The following UGT2B15 variants were observed in gnomAD, a reference collection of about 807,000 sequenced individuals.
The protein encoded by UGT2B15 is UDP glucuronosyltransferase family 2 member B15.
A neutral mutation model predicts 45.9 loss-of-function variants in UGT2B15; 36 were observed. The ratio of observed to expected loss-of-function variants is 0.78; its 90% CI spans 0.60 to 1.04. The LOEUF (loss-of-function observed/expected upper bound fraction) is 1.04, where lower values mean the gene tolerates loss of function less well. Ranked by LOEUF, UGT2B15 falls within the 50% of genes least tolerant of loss-of-function variation. The pLI, the probability that UGT2B15 is intolerant of heterozygous loss-of-function variation, is 0.00. For synonymous variants in UGT2B15, 219 were observed against 216.4 expected (o/e 1.01, Z -0.11); for missense variants, 617 against 622.4 (o/e 0.99, Z 0.09).
chr4:68,655,330 T>C, intron 3 of UGT2B15, 148 bp from the exon 4 acceptor site: 3 of 1,027,952 alleles, frequency 2.9e-6, no homozygotes, highest in Non-Finnish European at 4.2e-6. Context: ...TGAGAACTAC[T>C]AAAAGTTTGA....
chr4:68,659,013 A>G (rs1340580765), intron 3 of UGT2B15, among the ~76,000 whole-genome samples: 1 of 152,066 alleles, frequency 6.6e-6, no homozygotes, highest in Non-Finnish European at 1.5e-5. Flanking sequence ...CAGATTAACA[A>G]GGTTTTCTGG....
rs1274014709 is a variant in UGT2B15, at chr4:68,668,122, T to A, written c.791A>T (p.Asp264Val). 1 of 1,613,832 alleles carries A rather than the reference T, an allele frequency of 6.2e-7. No homozygotes were observed. Among genetic ancestry groups the A allele is most frequent in the Admixed American group, 1.7e-5 (1 of 59,984 alleles). The part of the protein sequence containing the change: ...AEMWLIRTYW[D>V]FEFPRPFLPN... The stretch of plus-strand genomic sequence containing the variant: ...TAAGAATGGGCGAGGAAATTCAAAA[T>A]CCCAATAGGTTCGAATGAGCCACAT... The change falls in exon 2 of 6, where the codon GAT becomes GTT. Residue 264 changes from aspartate to valine, a missense_variant. Around this residue, in one of 3 missense-constraint regions of UGT2B15, gnomAD observed 351 missense variants for 342.1 expected, o/e 1.03. Coordinates refer to ENST00000338206, the MANE Select transcript of UGT2B15 (RefSeq NM_001076.4).
chr4:68,659,117 T>C (rs993777156), intron 3 of UGT2B15, among the ~76,000 whole-genome samples: 5 of 152,186 alleles, frequency 3.3e-5, no homozygotes, highest in African/African-American at 1.2e-4. Context: ...TTATAGATTG[T>C]TCATAAAATT....
chr4:68,659,123 A>C (rs1405060079), intron 3 of UGT2B15, among the ~76,000 whole-genome samples: 1 of 152,038 alleles, frequency 6.6e-6, no homozygotes, highest in African/African-American at 2.4e-5. Context: ...ATTGTTCATA[A>C]AATTTTGAAA....
rs144341427 is a variant in UGT2B15, at chr4:68,667,141, A to T, written c.873+899T>A. ...TTTTCTACTTTTCTGCCTTAATGCA[A>T]GCCTTTACTTTTTTTTTTTTTGTTT... On this transcript the variant is annotated intron_variant, in intron 2 of 5. Transcript: ENST00000338206. Among the ~76,000 whole-genome samples the T allele has an allele frequency of 6.2e-3, 928 of 149,338 alleles. 11 individuals are homozygous for T. Among genetic ancestry groups the T allele is most frequent in the African/African-American group, 0.021 (842 of 40,894 alleles).
Position 68,647,127 on chromosome 4 carries a change from C to T in UGT2B15, c.1570G>A (p.Gly524Arg). ...AACTAATCTCTTTTCTTCTTCTTTC[C>T]TTTTTTGGCAAGCTTTCGGAAACAA... ...LFCFRKLAKK[G>R]KKKKRD Residue 524 changes from glycine to arginine, a missense_variant, in exon 6 of 6, where the codon GGA becomes AGA. This residue lies in a region of UGT2B15 where 265 missense variants were observed against 245.1 expected (regional missense o/e 1.08). Transcript: ENST00000338206. The T allele has an allele frequency of 6.2e-7, 1 of 1,613,312 alleles. No individual in the cohort carries two copies. The highest frequency in any genetic ancestry group is 8.5e-7 in the Non-Finnish European group (1 of 1,179,586).
chr4:68,647,737 G>C (rs1732525214), intron 5 of UGT2B15, among the ~76,000 whole-genome samples: 1 of 151,820 alleles, frequency 6.6e-6, no homozygotes, highest in Non-Finnish European at 1.5e-5. Context: ...TATTTTTTGA[G>C]ACAGGCTTTT....
chr4:68,669,484 G>A (rs1314661585), intron 1 of UGT2B15, among the ~76,000 whole-genome samples: 1 of 152,050 alleles, frequency 6.6e-6, no homozygotes, highest in Non-Finnish European at 1.5e-5. Context: ...GGAACTCAAA[G>A]AGAAACAAAT....
chr4:68,649,138 G>C (rs141748132), intron 5 of UGT2B15, among the ~76,000 whole-genome samples: 1 of 151,490 alleles, frequency 6.6e-6, no homozygotes, highest in Non-Finnish European at 1.5e-5. Flanking sequence ...TTCAGTTATC[G>C]TTTTTGGATG....
Position 68,657,528 on chromosome 4 carries a change from A to G in UGT2B15, c.1006-2346T>C, listed in dbSNP as rs573886703. Among the ~76,000 whole-genome samples the G allele has an allele frequency of 8.5e-5, 13 of 152,218 alleles. No homozygotes were observed. In the South Asian group the frequency reaches 2.1e-3, roughly 24 times the overall value. On this transcript the variant is annotated intron_variant, in intron 3 of 5. Coordinates refer to ENST00000338206, the MANE Select transcript of UGT2B15 (RefSeq NM_001076.4). The stretch of plus-strand genomic sequence containing the variant: ...TCCTCCTTTTAGGAAAAAAAGTGGG[A>G]AACAAATAATCTAAGAATGATGAGA...
chr4:68,652,121 TTC>T (rs1225549893), intron 5 of UGT2B15, among the ~76,000 whole-genome samples: 4 of 152,054 alleles, frequency 2.6e-5, no homozygotes, highest in African/African-American at 9.7e-5. Flanking sequence ...AGGTATTTTA[TTC>T]TCTTTGTTGC....
intron 5 of UGT2B15, among the ~76,000 whole-genome samples, chr4:68,652,196 A>T (rs1732675449): frequency 6.6e-6 from 1 of 152,018 alleles, no homozygotes; most frequent in African/African-American, 2.4e-5. Flanking sequence ...GTCAGTGTAT[A>T]GTAATGCTTG....
intron 5 of UGT2B15, among the ~76,000 whole-genome samples, chr4:68,652,680 T>C (rs1055628504): frequency 6.0e-5 from 9 of 150,782 alleles, no homozygotes; most frequent in African/African-American, 1.9e-4. Flanking sequence ...TTTATCAACA[T>C]TGAAACCTTT....
chr4:68,651,721 C>G (rs1448414611), intron 5 of UGT2B15, among the ~76,000 whole-genome samples: 2 of 152,004 alleles, frequency 1.3e-5, no homozygotes, highest in Non-Finnish European at 2.9e-5. Context: ...ATGTTCTGTT[C>G]CATTGGTCTA....
intron 5 of UGT2B15, among the ~76,000 whole-genome samples, chr4:68,651,759 T>G (rs1054573185): frequency 6.6e-6 from 1 of 152,150 alleles, no homozygotes; most frequent in Non-Finnish European, 1.5e-5. Context: ...AGTACCATTC[T>G]GTTTTGGTTA....
chr4:68,663,977 C>T (rs1244036778), intron 2 of UGT2B15, among the ~76,000 whole-genome samples: 1 of 152,018 alleles, frequency 6.6e-6, no homozygotes, highest in African/African-American at 2.4e-5. Context: ...TGAAATCACA[C>T]TGTGAATTTG....
rs189314018 is a variant in UGT2B15 at position 68,646,617 on chromosome 4, A to G, written c.*487T>C. 6.7e-6 allele frequency: 1 copy of G among 149,412 alleles called. No homozygotes were observed. Among genetic ancestry groups the G allele is most frequent in the Non-Finnish European group, 1.5e-5 (1 of 67,728 alleles). The allele number at this position is 149,412 out of a possible 1,614,324, so 9.3% of individuals were successfully genotyped here. The stretch of plus-strand genomic sequence containing the variant: ...GCCCATAAGGTTTTATATTATTTTT[A>G]TTTTTCTTTTCTTTTTTTTTTATGG... On this transcript the variant is annotated 3_prime_UTR_variant, in exon 6 of 6. Coordinates refer to ENST00000338206, the MANE Select transcript of UGT2B15 (RefSeq NM_001076.4).
At position 68,654,089 on chromosome 4, in the gene UGT2B15, T is replaced by C; in HGVS notation, c.1261A>G (p.Met421Val). 6 of 1,613,598 alleles carry C rather than the reference T, an allele frequency of 3.7e-6. No individual in the cohort carries two copies. The highest frequency in any genetic ancestry group is 1.1e-5 in the South Asian group (1 of 91,044). The change falls in exon 5 of 6, where the codon ATG (methionine) becomes GTG (valine). Residue 421 changes from methionine (M) to valine (V), a missense_variant. Transcript: ENST00000338206. ...GCATTGAGCAAATCTCTACTTGACA[T>C]GGTCCTGATGTCCACACTGAGGGCT... is the stretch of plus-strand genomic sequence containing the variant. ...GAALSVDIRTMSSRDLLNALK... is the reference protein window; with the variant it reads ...GAALSVDIRTVSSRDLLNALK...
intron 2 of UGT2B15, among the ~76,000 whole-genome samples, chr4:68,663,635 A>G (rs1183954633): frequency 6.6e-6 from 1 of 151,914 alleles, no homozygotes; most frequent in African/African-American, 2.4e-5. Context: ...ATGAGCATTG[A>G]GGAAAAGTTA....
Sources: allele counts gnomAD v4.1 joint callset (sites outside exome capture counted in the v4.1 genomes callset), GRCh38; gene constraint gnomAD v4.1.1; regional missense constraint gnomAD v4.1.1; transcripts MANE v1.5; gene names NCBI Gene and HGNC (gene_info 2026-07-23, HGNC 2026-07-21).